Variants in RAB31 observed in about 807,000 individuals in gnomAD.
RAB31 encodes the protein ras-related protein Rab-31.
RAB31 carries 21 observed loss-of-function variants against 25.6 expected under a neutral mutation model. The ratio of observed to expected loss-of-function variants is 0.82; its 90% CI spans 0.58 to 1.18. The LOEUF (loss-of-function observed/expected upper bound fraction) is 1.18. Ranked by LOEUF, RAB31 falls within the 50% of genes most tolerant of loss-of-function variation. The pLI is 0.00. For synonymous variants in RAB31, 87 were observed against 84.0 expected (o/e 1.04, Z -0.20); for missense variants, 196 against 250.1 (o/e 0.78, Z 1.46).
At chr18:9,781,917 T>TAATATAAAAATTAAATAA (rs1383031686) in intron 2 of RAB31, among the ~76,000 whole-genome samples, 1 of 152,184 alleles carries the variant, frequency 6.6e-6, no homozygotes, top group African/African-American at 2.4e-5. Context: ...TGGCTTATAT[T>TAATATAAAAATTAAATAA]AATATATTTG....
rs568928482 is a variant in RAB31 at position 9,731,926 on chromosome 18, C to A, written c.39+23482C>A. 2.0e-5 allele frequency among the ~76,000 whole-genome samples: 3 copies of A among 152,238 alleles called. No homozygotes were observed. In the South Asian group the frequency reaches 6.2e-4, roughly 32 times the overall value. ...TGCTTTTTATCTATGATAATAAGCT[C>A]CTCACCCAAACAGATAGGAATTGAA... On this transcript the variant is annotated intron_variant, in intron 1 of 6. Coordinates refer to ENST00000578921, the MANE Select transcript of RAB31 (RefSeq NM_006868.4).
Position 9,862,029 on chromosome 18 carries a change from C to T in RAB31, c.*2704C>T, listed in dbSNP as rs779222319. The T allele has an allele frequency of 6.6e-6, 1 of 152,614 alleles. No homozygotes were observed. Among genetic ancestry groups the T allele is most frequent in the Non-Finnish European group, 1.5e-5 (1 of 68,042 alleles). The allele number at this position is 152,614 out of a possible 1,614,324, so 9.5% of individuals were successfully genotyped here. A position where few individuals can be genotyped will look rare whatever the true frequency, so the allele number is the denominator to read the frequency against. On this transcript the variant is annotated 3_prime_UTR_variant, in exon 7 of 7. Transcript: ENST00000578921. ...CTTGCAGACTAAAAGGTTGAAGGCC[C>T]GAAACTAACTTTTAGCTAACAATAA...
intron 1 of RAB31, among the ~76,000 whole-genome samples, chr18:9,742,516 G>A (rs535313792): frequency 6.6e-6 from 1 of 152,196 alleles, no homozygotes; most frequent in Non-Finnish European, 1.5e-5. Context: ...GACGTTCTAC[G>A]TGTTTTCTTC....
chr18:9,856,140 T>C (rs522160), intron 6 of RAB31: 72,848 of 152,058 alleles, frequency 0.48, 18,257 homozygotes, highest in South Asian at 0.65. Context: ...ATTTTGAATA[T>C]TCTGAAGATA....
chr18:9,857,640 T>TATAGATAGATAGATAG (rs369031976), intron 6 of RAB31, among the ~76,000 whole-genome samples: 2 of 129,230 alleles, frequency 1.5e-5, no homozygotes, highest in Non-Finnish European at 3.2e-5. Flanking sequence ...TAGCCAATAA[T>TATAGATAGATAGATAG]ATAGATAGAT....
chr18:9,827,688 A>T (rs1178650475), intron 5 of RAB31, among the ~76,000 whole-genome samples: 2 of 152,174 alleles, frequency 1.3e-5, no homozygotes, highest in African/African-American at 4.8e-5. Context: ...ACCAAGACAA[A>T]GGGCATCTAG....
intron 1 of RAB31, among the ~76,000 whole-genome samples, chr18:9,738,170 GC>G (rs1226677194): frequency 6.6e-6 from 1 of 152,208 alleles, no homozygotes; most frequent in Non-Finnish European, 1.5e-5. Context: ...AGACCCCCTG[GC>G]GAGGAGCTAA....
chr18:9,710,999 G>T (rs2068014262), intron 1 of RAB31, among the ~76,000 whole-genome samples: 1 of 150,156 alleles, frequency 6.7e-6, no homozygotes, highest in African/African-American at 2.5e-5. Flanking sequence ...AAATGACCTT[G>T]TTGTCCACAC....
intron 2 of RAB31, 96 bp downstream of exon 2, chr18:9,775,453 G>A (rs2068367528): frequency 3.2e-6 from 5 of 1,555,422 alleles, no homozygotes; most frequent in East Asian, 2.4e-5. Flanking sequence ...CAGGGCCACA[G>A]TTTTCATCCC....
At chr18:9,787,807 A>G (rs978875625) in intron 2 of RAB31, 2 of 152,244 alleles carry the variant, frequency 1.3e-5, no homozygotes, top group Admixed American at 6.5e-5. Flanking sequence ...CACATTTCAC[A>G]CTCACAAGAC....
At chr18:9,782,459 G>C (rs1030223431) in intron 2 of RAB31, among the ~76,000 whole-genome samples, 9 of 152,194 alleles carry the variant, frequency 5.9e-5, no homozygotes, top group Non-Finnish European at 1.0e-4. Flanking sequence ...AACTCTTATG[G>C]CCTCTCTGAC....
At chr18:9,787,053 G>GTC (rs2068437186) in intron 2 of RAB31, 1 of 201,260 alleles carries the variant, frequency 5.0e-6, no homozygotes, top group African/African-American at 2.3e-5. Flanking sequence ...TAAGCTTTCA[G>GTC]TCATATCTGC....
intron 1 of RAB31, among the ~76,000 whole-genome samples, chr18:9,762,295 A>T (rs2068293274): frequency 6.6e-6 from 1 of 152,234 alleles, no homozygotes; most frequent in African/African-American, 2.4e-5. Flanking sequence ...TTTGCTAGAC[A>T]TGCAACTCAG....
At chr18:9,747,348 C>T (rs1164969227) in intron 1 of RAB31, among the ~76,000 whole-genome samples, 4 of 152,154 alleles carry the variant, frequency 2.6e-5, no homozygotes, top group Non-Finnish European at 5.9e-5. Flanking sequence ...AAAAGTTAAA[C>T]ATAGAGTTAC....
chr18:9,756,885 C>T (rs1192129169), intron 1 of RAB31, among the ~76,000 whole-genome samples: 1 of 152,224 alleles, frequency 6.6e-6, no homozygotes, highest in African/African-American at 2.4e-5. Flanking sequence ...AAAGTTCAAA[C>T]TCCCTAACGA....
intron 1 of RAB31, chr18:9,734,891 CT>C: frequency 3.4e-6 from 1 of 290,312 alleles, no homozygotes; most frequent in Non-Finnish European, 7.1e-6. Flanking sequence ...AGAATTGGGC[CT>C]TCATGATGAC....
At chr18:9,760,566 A>G (rs1016232804) in intron 1 of RAB31, among the ~76,000 whole-genome samples, 3 of 152,124 alleles carry the variant, frequency 2.0e-5, no homozygotes, top group African/African-American at 7.2e-5. Context: ...GAATGATCTT[A>G]TGAGAAGGGT....
At chr18:9,810,325 T>A (rs1037195011) in intron 3 of RAB31, among the ~76,000 whole-genome samples, 2 of 152,238 alleles carry the variant, frequency 1.3e-5, no homozygotes, top group African/African-American at 4.8e-5. Context: ...ATTCCATCAG[T>A]CTTATTTCTG....
intron 1 of RAB31, among the ~76,000 whole-genome samples, chr18:9,720,050 G>A (rs893877687): frequency 2.0e-5 from 3 of 151,752 alleles, no homozygotes; most frequent in African/African-American, 7.3e-5. Context: ...TGCAACTTCC[G>A]CCTCCTGGGT....
Sources: gnomAD v4.1 joint callset for allele counts (sites outside exome capture counted in the v4.1 genomes callset) on GRCh38, gnomAD v4.1.1 for gene constraint, MANE v1.5 for transcripts, NCBI Gene and HGNC (gene_info 2026-07-23, HGNC 2026-07-21) for gene names.